Variants in SYT16 observed in about 807,000 individuals in gnomAD.
SYT16 encodes the protein synaptotagmin 16, also known as synaptotagmin-16.
SYT16 carries 42 observed loss-of-function variants against 61.4 expected under a neutral mutation model. The ratio of observed to expected loss-of-function variants is 0.68; its 90% confidence interval spans 0.53 to 0.89. The LOEUF is 0.89. Ranked by LOEUF, SYT16 falls within the 40% of genes least tolerant of loss-of-function variation. SYT16 has a pLI of 0.00. For synonymous variants in SYT16, 314 were observed against 302.3 expected (o/e 1.04, Z -0.40); for missense variants, 804 against 807.3 (o/e 1.00, Z 0.05).
chr14:61,955,159 G>C (rs117610080), intron 1 of SYT16, among the ~76,000 whole-genome samples: 18 of 152,142 alleles, frequency 1.2e-4, no homozygotes, highest in Middle Eastern at 3.4e-3. Flanking sequence ...GTTTAGTGTA[G>C]ACAGCTTGAT....
chr14:61,848,257 C>T (rs1342354056), intron 1 of SYT16, among the ~76,000 whole-genome samples: 1 of 152,196 alleles, frequency 6.6e-6, no homozygotes, highest in Non-Finnish European at 1.5e-5. Context: ...CGTTTGGTCA[C>T]TGAAGCCGTA....
chr14:61,920,784 T>G (rs1412049133), intron 1 of SYT16, among the ~76,000 whole-genome samples: 2 of 152,218 alleles, frequency 1.3e-5, no homozygotes, highest in Non-Finnish European at 2.9e-5. Context: ...CGTTTAAGCT[T>G]TAATCTTTAT....
chr14:62,109,729 G>A lies in SYT16; in HGVS notation c.*9022G>A, dbSNP rs1429746027. 6.6e-6 allele frequency: 1 copy of A among 152,118 alleles called. No homozygotes were observed. The highest frequency in any genetic ancestry group is 2.4e-5 in the African/African-American group (1 of 41,448). The allele number at this position is 152,118 out of a possible 1,614,324, so 9.4% of individuals were successfully genotyped here. On this transcript the variant is annotated 3_prime_UTR_variant, in exon 8 of 8. Coordinates refer to ENST00000683842, the MANE Select transcript of SYT16 (RefSeq NM_001367656.1). ...TGTAGTGTCTTTTGTTGAGCAATGAGTTAAATACCTGTCGATAAAAAGTGT... is the reference window on the plus strand; with the variant it reads ...TGTAGTGTCTTTTGTTGAGCAATGAATTAAATACCTGTCGATAAAAAGTGT...
At chr14:61,821,724 A>ATCCT (rs2045624949) in intron 1 of SYT16, among the ~76,000 whole-genome samples, 1 of 152,232 alleles carries the variant, frequency 6.6e-6, no homozygotes, top group Non-Finnish European at 1.5e-5. Flanking sequence ...TCTCTTGGCT[A>ATCCT]GTAGCAAGTC....
intron 3 of SYT16, among the ~76,000 whole-genome samples, chr14:62,028,250 G>C (rs550329823): frequency 2.6e-5 from 4 of 152,334 alleles, no homozygotes; most frequent in Admixed American, 2.0e-4. Context: ...CATTTACTAA[G>C]TTGTATTGGA....
chr14:62,100,619 G>A lies in SYT16; in HGVS notation c.1850G>A (p.Ser617Asn). 1 of 1,613,884 alleles carries A rather than the reference G, an allele frequency of 6.2e-7. No homozygotes were observed. The highest frequency in any genetic ancestry group is 8.5e-7 in the Non-Finnish European group (1 of 1,179,822). ...IGWIALGQNSSGEEEQDHWEE... is the reference protein window; with the variant it reads ...IGWIALGQNSNGEEEQDHWEE... ...TGGATTGCCCTGGGCCAGAACAGCA[G>A]TGGAGAGGAGGAACAAGATCACTGG... is the stretch of plus-strand genomic sequence containing the variant. Residue 617 changes from serine (S) to asparagine (N), a missense_variant, in exon 8 of 8, where the codon AGT becomes AAT. By Grantham distance (46) the Ser-to-Asn change is conservative. Transcript: ENST00000683842.
intron 1 of SYT16, among the ~76,000 whole-genome samples, chr14:61,969,817 G>A (rs1357727885): frequency 3.3e-5 from 5 of 152,148 alleles, no homozygotes; most frequent in Non-Finnish European, 7.3e-5. Context: ...TTAATTGTGT[G>A]TTTGAAGTTG....
rs114020639 is a variant in SYT16, at chr14:62,006,113, C to T, written c.523+9571C>T. Among the ~76,000 whole-genome samples the T allele has an allele frequency of 8.0e-3, 1,221 of 152,222 alleles. 16 individuals carry two copies. The highest frequency in any genetic ancestry group is 0.028 in the African/African-American group (1,152 of 41,528). On this transcript the variant is annotated intron_variant, in intron 3 of 7. Coordinates refer to ENST00000683842, the MANE Select transcript of SYT16 (RefSeq NM_001367656.1). Reference sequence around the variant, plus strand: ...TCTCTTTCTTCAAAATATTTAAATACCCTGAGGGCCCTATAAAACTAGGAT... The same window carrying T: ...TCTCTTTCTTCAAAATATTTAAATATCCTGAGGGCCCTATAAAACTAGGAT...
intron 1 of SYT16, among the ~76,000 whole-genome samples, chr14:61,947,856 T>G (rs1003652933): frequency 2.0e-5 from 3 of 152,198 alleles, no homozygotes; most frequent in African/African-American, 4.8e-5. Flanking sequence ...ATAGGCTTTG[T>G]AGAGGCGTTG....
chr14:62,077,122 C>G (rs1342763642), intron 5 of SYT16, among the ~76,000 whole-genome samples: 1 of 152,212 alleles, frequency 6.6e-6, no homozygotes, highest in Non-Finnish European at 1.5e-5. Flanking sequence ...GTATTGAGAA[C>G]TCTGTCTTCC....
At chr14:61,886,745 A>G (rs1166799509) in intron 1 of SYT16, among the ~76,000 whole-genome samples, 3 of 152,192 alleles carry the variant, frequency 2.0e-5, no homozygotes. Context: ...TAATGTTGAT[A>G]TTTTGGCCTC....
intron 1 of SYT16, among the ~76,000 whole-genome samples, chr14:61,944,931 A>T (rs752575518): frequency 6.6e-6 from 1 of 152,366 alleles, no homozygotes; most frequent in African/African-American, 2.4e-5. Flanking sequence ...AAAAGAAACT[A>T]TCATCAGAGT....
intron 3 of SYT16, among the ~76,000 whole-genome samples, chr14:62,005,688 T>C (rs1034994376): frequency 1.3e-5 from 2 of 152,130 alleles, no homozygotes; most frequent in Non-Finnish European, 2.9e-5. Context: ...GAGGAACATT[T>C]CTCTATAAAG....
At chr14:62,056,569 C>T (rs1391362144) in intron 3 of SYT16, among the ~76,000 whole-genome samples, 1 of 152,116 alleles carries the variant, frequency 6.6e-6, no homozygotes, top group African/African-American at 2.4e-5. Context: ...GTATAAAGGC[C>T]CCGAGTAAAG....
At chr14:61,966,792 T>C (rs1170709864) in intron 1 of SYT16, among the ~76,000 whole-genome samples, 1 of 152,214 alleles carries the variant, frequency 6.6e-6, no homozygotes, top group Non-Finnish European at 1.5e-5. Context: ...GTAAATCATA[T>C]CCTATGTTGG....
chr14:61,984,707 C>G (rs568539199), intron 2 of SYT16, among the ~76,000 whole-genome samples: 11 of 152,238 alleles, frequency 7.2e-5, no homozygotes, highest in African/African-American at 2.6e-4. Context: ...AACAGACAGG[C>G]ATTGTTGGCT....
intron 3 of SYT16, among the ~76,000 whole-genome samples, chr14:62,005,871 T>C (rs745683968): frequency 1.3e-5 from 2 of 152,118 alleles, no homozygotes; most frequent in Non-Finnish European, 2.9e-5. Context: ...GATGCAAAAA[T>C]GTTTTTAATG....
At chr14:62,053,309 C>G (rs2055393890) in intron 3 of SYT16, among the ~76,000 whole-genome samples, 2 of 152,228 alleles carry the variant, frequency 1.3e-5, no homozygotes, top group South Asian at 4.1e-4. Flanking sequence ...CTCCTGCCCT[C>G]AGACTGAAAC....
intron 1 of SYT16, among the ~76,000 whole-genome samples, chr14:61,878,261 C>A (rs1422919214): frequency 6.6e-6 from 1 of 152,170 alleles, no homozygotes; most frequent in Non-Finnish European, 1.5e-5. Context: ...ATGTTTTAAA[C>A]ATTTCTCCTA....
Sources: gnomAD v4.1 joint callset for allele counts (sites outside exome capture counted in the v4.1 genomes callset) on GRCh38, gnomAD v4.1.1 for gene constraint, MANE v1.5 for transcripts, NCBI Gene and HGNC (gene_info 2026-07-23, HGNC 2026-07-21) for gene names.